DDB1: variants seen among roughly 807,000 people sequenced by gnomAD.
DDB1 encodes the protein damage specific DNA binding protein 1.
DDB1 carries 18 observed loss-of-function variants against 133.1 expected under a neutral mutation model. The observed-to-expected ratio is 0.14, with a 90% CI of 0.09 to 0.20. The LOEUF (loss-of-function observed/expected upper bound fraction) is 0.20, where lower values mean the gene tolerates loss of function less well. Ranked by LOEUF, DDB1 falls within the 10% of genes least tolerant of loss-of-function variation. DDB1 has a pLI of 1.00. For synonymous variants in DDB1, 580 were observed against 550.5 expected (o/e 1.05, Z -0.75); for missense variants, 828 against 1,459.2 (o/e 0.57, Z 7.05).
intron 8 of DDB1, 188 bp from the exon 9 acceptor site, chr11:61,322,600 A>G (rs757086005): frequency 3.4e-6 from 2 of 586,570 alleles, no homozygotes; most frequent in Non-Finnish European, 6.1e-6. Flanking sequence ...GTGACCCATT[A>G]ATCAGCCAAG....
chr11:61,304,690 C>T (rs565278470), intron 21 of DDB1, among the ~76,000 whole-genome samples: 9 of 150,996 alleles, frequency 6.0e-5, no homozygotes, highest in Admixed American at 2.6e-4. Context: ...CTGGCTAACA[C>T]GGTGAAACCC....
chr11:61,317,010 C>G, intron 10 of DDB1, among the ~76,000 whole-genome samples: 1 of 102,308 alleles, frequency 9.8e-6, no homozygotes, highest in Non-Finnish European at 2.1e-5. Flanking sequence ...GACATGGCAG[C>G]CTGACACCAC....
rs1305509366 is a variant in DDB1 at position 61,321,575 on chromosome 11, A to G, written c.1225+20T>C. 14 of 1,611,432 alleles carry G rather than the reference A, an allele frequency of 8.7e-6. No homozygotes were observed. The highest frequency in any genetic ancestry group is 1.7e-5 in the Admixed American group (1 of 59,994). ...GTCCCTCATGTAAGATCTACATCCTATGCCCACCAAAAAAGCTACCTTTGA... is the reference window on the plus strand; with the variant it reads ...GTCCCTCATGTAAGATCTACATCCTGTGCCCACCAAAAAAGCTACCTTTGA... On this transcript the variant is annotated intron_variant, in intron 10 of 26. Transcript: ENST00000301764.
intron 2 of DDB1, among the ~76,000 whole-genome samples, chr11:61,330,943 AC>A (rs772061298): frequency 1.3e-5 from 2 of 152,228 alleles, no homozygotes; most frequent in Non-Finnish European, 2.9e-5. Context: ...GGCGTGAGCC[AC>A]CATGCCCGGC....
At chr11:61,328,050 C>T (rs1273411992) in intron 4 of DDB1, among the ~76,000 whole-genome samples, 1 of 152,190 alleles carries the variant, frequency 6.6e-6, no homozygotes, top group Non-Finnish European at 1.5e-5. Context: ...GACACACATG[C>T]AGAAATGAAG....
intron 25 of DDB1, chr11:61,301,168 CAG>C: frequency 1.9e-6 from 1 of 531,726 alleles, no homozygotes; most frequent in East Asian, 3.8e-5. Flanking sequence ...AAGTACAGAT[CAG>C]AGTCTATTAA....
chr11:61,306,261 C>A (rs371272584), intron 21 of DDB1, among the ~76,000 whole-genome samples: 1 of 152,202 alleles, frequency 6.6e-6, no homozygotes. Context: ...ATGGCTCTTT[C>A]CTAAGGGCCT....
At chr11:61,331,868 T>G in intron 1 of DDB1, 177 bp from the exon 2 acceptor site, 1 of 754,184 alleles carries the variant, frequency 1.3e-6, no homozygotes, top group Non-Finnish European at 2.1e-6. Flanking sequence ...GAGTCTCAGT[T>G]CATGCATTCA....
In DDB1 at chr11:61,329,987, T is replaced by G. The variant is rs762255768; in HGVS notation, c.298A>C (p.Ile100Leu). 1 of 1,613,682 alleles carries G rather than the reference T, an allele frequency of 6.2e-7. No individual in the cohort carries two copies. The highest frequency in any genetic ancestry group is 1.3e-5 in the African/African-American group (1 of 74,922). The change falls in exon 3 of 27, where the codon ATC (isoleucine) becomes CTC (leucine). Residue 100 changes from isoleucine to leucine, a missense_variant. Physicochemically the swap from Ile to Leu is conservative, Grantham distance 5. This residue lies in a region of DDB1 where 210 missense variants were observed against 344.8 expected (regional missense o/e 0.61). Transcript: ENST00000301764. Reference sequence around the variant, plus strand: ...ACATTGCCATGGGCTCGCGTAATGATGTCAATGCTCTCGCCACTCTGTTTA... The same window carrying G: ...ACATTGCCATGGGCTCGCGTAATGAGGTCAATGCTCTCGCCACTCTGTTTA... ...EYKQSGESID[I>L]ITRAHGNVQD...
In DDB1 at chr11:61,308,969, G is replaced by A; in HGVS notation, c.2661+14C>T. On this transcript the variant is annotated intron_variant, in intron 21 of 26. Coordinates refer to ENST00000301764, the MANE Select transcript of DDB1 (RefSeq NM_001923.5). ...GGGCAGCCTAAAGTAAGTACCAAGT[G>A]GTCCAGGCCTCACCGTGCTATTGAT... The A allele has an allele frequency of 6.2e-7, 1 of 1,613,256 alleles. No homozygotes were observed. The highest frequency in any genetic ancestry group is 8.5e-7 in the Non-Finnish European group (1 of 1,179,234).
chr11:61,332,848 T>G, intron 1 of DDB1, 60 bp downstream of exon 1: 1 of 1,369,024 alleles, frequency 7.3e-7, no homozygotes, highest in South Asian at 1.6e-5. Context: ...CGGGCCTCCC[T>G]AGGCCGCGGC....
At chr11:61,325,145 T>C (rs1856249253) in intron 6 of DDB1, among the ~76,000 whole-genome samples, 1 of 150,376 alleles carries the variant, frequency 6.6e-6, no homozygotes, top group South Asian at 2.1e-4. Context: ...CAAAACTCCG[T>C]CTCAAAAAAA....
intron 10 of DDB1, among the ~76,000 whole-genome samples, chr11:61,319,513 C>A (rs1366523255): frequency 6.6e-6 from 1 of 151,874 alleles, no homozygotes; most frequent in Non-Finnish European, 1.5e-5. Flanking sequence ...CTCACTGCAA[C>A]CTCCGCCTCC....
intron 7 of DDB1, chr11:61,323,719 G>A: frequency 2.4e-6 from 1 of 420,876 alleles, no homozygotes; most frequent in Non-Finnish European, 4.4e-6. Context: ...CAGCTAGATT[G>A]ATCTTTAATT....
intron 4 of DDB1, among the ~76,000 whole-genome samples, chr11:61,327,330 A>T (rs1856286533): frequency 6.6e-6 from 1 of 151,974 alleles, no homozygotes; most frequent in African/African-American, 2.4e-5. Context: ...ATTAGCTGGC[A>T]TGGGGGCGCG....
At position 61,316,316 on chromosome 11, in the gene DDB1, C is replaced by A; in HGVS notation, c.1379G>T (p.Cys460Phe). 1 of 1,614,214 alleles carries A rather than the reference C, an allele frequency of 6.2e-7. No individual in the cohort carries two copies. Among genetic ancestry groups the A allele is most frequent in the Non-Finnish European group, 8.5e-7 (1 of 1,180,030 alleles). ...GFVDDQQTFF[C>F]GNVAHQQLIQ... ...AAGCTGCTGATGAGCCACGTTGCCA[C>A]AGAAGAAAGTCTGCTGATCATCCAC... Residue 460 changes from cysteine (C) to phenylalanine (F), a missense_variant, in exon 12 of 27, where the codon TGT (cysteine) becomes TTT (phenylalanine). Physicochemically the swap from Cys to Phe is radical, Grantham distance 205. Around this residue, in one of 7 missense-constraint regions of DDB1, gnomAD observed 396 missense variants for 554.1 expected, o/e 0.71. Coordinates refer to ENST00000301764, the MANE Select transcript of DDB1 (RefSeq NM_001923.5).
chr11:61,328,118 A>T (rs1250810483), intron 4 of DDB1, among the ~76,000 whole-genome samples: 2 of 152,186 alleles, frequency 1.3e-5, no homozygotes, highest in African/African-American at 4.8e-5. Flanking sequence ...ATAATCAACA[A>T]CATCAAAGTT....
At chr11:61,307,814 C>T (rs1855901020) in intron 21 of DDB1, among the ~76,000 whole-genome samples, 1 of 140,166 alleles carries the variant, frequency 7.1e-6, no homozygotes, top group Non-Finnish European at 1.5e-5. Flanking sequence ...AAAGCCAAAA[C>T]CCGACCCTTT....
At position 61,321,962 on chromosome 11, in the gene DDB1, G is replaced by A. The variant is rs1856186940; in HGVS notation, c.1123-265C>T. 5 of 547,818 alleles carry A rather than the reference G, an allele frequency of 9.1e-6. No homozygotes were observed. In the East Asian group the frequency reaches 1.5e-4, roughly 16 times the overall value. 33.9% of individuals were successfully genotyped at this position (547,818 alleles called of 1,614,324 possible). A position where few individuals can be genotyped will look rare whatever the true frequency, so the allele number is the denominator to read the frequency against. The stretch of plus-strand genomic sequence containing the variant: ...TCGCTGGGACCTAGTTTACTAGAAT[G>A]AGCACAGGATCTGTTAGATACACCT... On this transcript the variant is annotated intron_variant, in intron 9 of 26. Coordinates refer to ENST00000301764, the MANE Select transcript of DDB1 (RefSeq NM_001923.5).
Sources: gnomAD v4.1 joint callset for allele counts (sites outside exome capture counted in the v4.1 genomes callset) on GRCh38, gnomAD v4.1.1 for gene constraint, gnomAD v4.1.1 regional missense constraint, MANE v1.5 for transcripts, NCBI Gene and HGNC (gene_info 2026-07-23, HGNC 2026-07-21) for gene names.